Variants in MAPKAP1 observed in about 807,000 individuals in gnomAD.
MAPKAP1 encodes target of rapamycin complex 2 subunit MAPKAP1.
Under a neutral mutation model 65.7 loss-of-function variants are expected in MAPKAP1, and 20 were observed. The observed-to-expected ratio is 0.30, with a 90% CI of 0.21 to 0.44. MAPKAP1 has a LOEUF of 0.44. Among genes scored for constraint, MAPKAP1 ranks in the 20% least tolerant of loss-of-function variants. The pLI, the probability that MAPKAP1 is intolerant of heterozygous loss-of-function variation, is 1.00. For missense variants in MAPKAP1, 423 were observed against 648.0 expected, an observed-to-expected ratio of 0.65 and a Z score of 3.77; for synonymous variants, 222 against 244.3, an observed-to-expected ratio of 0.91 and a Z score of 0.85.
intron 8 of MAPKAP1, among the ~76,000 whole-genome samples, chr9:125,504,704 A>G (rs1484036316): frequency 6.6e-6 from 1 of 152,020 alleles, no homozygotes; most frequent in African/African-American, 2.4e-5. Flanking sequence ...GACACATGAG[A>G]ATTGCTTGAA....
intron 6 of MAPKAP1, among the ~76,000 whole-genome samples, chr9:125,543,530 C>A (rs1236728627): frequency 1.3e-5 from 2 of 152,060 alleles, no homozygotes; most frequent in African/African-American, 4.8e-5. Context: ...CCCGCCTCGG[C>A]CTCCCAAAGT....
intron 3 of MAPKAP1, among the ~76,000 whole-genome samples, chr9:125,668,265 G>T (rs1342299162): frequency 6.6e-6 from 1 of 152,058 alleles, no homozygotes; most frequent in Non-Finnish European, 1.5e-5. Flanking sequence ...CTCCATGTTG[G>T]GTAACTTTGG....
intron 8 of MAPKAP1, among the ~76,000 whole-genome samples, chr9:125,490,801 G>A (rs1156852120): frequency 6.6e-6 from 1 of 152,108 alleles, no homozygotes; most frequent in African/African-American, 2.4e-5. Flanking sequence ...AGACATTACA[G>A]AAACTTGCAA....
At chr9:125,661,173 A>C (rs1166896888) in intron 3 of MAPKAP1, among the ~76,000 whole-genome samples, 1 of 152,226 alleles carries the variant, frequency 6.6e-6, no homozygotes, top group Non-Finnish European at 1.5e-5. Context: ...ATTTCATCAG[A>C]TTGGCAAAAA....
chr9:125,451,804 A>C, intron 10 of MAPKAP1, among the ~76,000 whole-genome samples: 2 of 128,246 alleles, frequency 1.6e-5, no homozygotes, highest in East Asian at 4.6e-4. Context: ...ATCTACTCAC[A>C]GGAGTTTTTT....
chr9:125,640,112 C>CT (rs1272696614), intron 4 of MAPKAP1, among the ~76,000 whole-genome samples: 28 of 150,918 alleles, frequency 1.9e-4, no homozygotes, highest in Admixed American at 5.3e-4. Flanking sequence ...CTGTTTATCC[C>CT]TTTTTTTTTG....
At chr9:125,531,438 T>A (rs1829930608) in intron 7 of MAPKAP1, among the ~76,000 whole-genome samples, 1 of 152,214 alleles carries the variant, frequency 6.6e-6, no homozygotes, top group African/African-American at 2.4e-5. Flanking sequence ...CAAGTGTGAG[T>A]ATTAGTAAGT....
At chr9:125,619,380 T>C (rs71495569) in intron 4 of MAPKAP1, among the ~76,000 whole-genome samples, 68 of 152,020 alleles carry the variant, frequency 4.5e-4, no homozygotes, top group Non-Finnish European at 8.1e-4. Context: ...AAAATCTGCA[T>C]TTTGGAGAAT....
rs369111361 is a variant in MAPKAP1 at position 125,569,903 on chromosome 9, C to T, written c.672-10094G>A. Among the ~76,000 whole-genome samples, 87 of 152,238 alleles carry T rather than the reference C, an allele frequency of 5.7e-4. 1 individual carries two copies. The East Asian group carries it at 0.014, about 25-fold the overall frequency. On this transcript the variant is annotated intron_variant, in intron 5 of 11. Transcript: ENST00000265960. ...AAAAGTAAAATAAAAACTGTAATGC[C>T]TTTTGGTTCATGTAACTTTAGTAAT...
chr9:125,524,315 AATG>A (rs1829702838), intron 7 of MAPKAP1, among the ~76,000 whole-genome samples: 1 of 152,242 alleles, frequency 6.6e-6, no homozygotes, highest in Admixed American at 6.5e-5. Context: ...CTAAGTGGGG[AATG>A]ATGATAATTT....
intron 5 of MAPKAP1, among the ~76,000 whole-genome samples, chr9:125,576,069 A>C (rs914868974): frequency 3.3e-5 from 5 of 152,246 alleles, no homozygotes; most frequent in Admixed American, 2.6e-4. Flanking sequence ...TAAGTGAAAA[A>C]AGCTAGTCTG....
rs1167319568 is a variant in MAPKAP1, at chr9:125,517,380, TCCAGGG to T, written c.959-10969_959-10964del. 2.6e-5 allele frequency among the ~76,000 whole-genome samples: 4 copies of T among 152,078 alleles called. No individual in the cohort carries two copies. The East Asian group carries it at 7.7e-4, about 29-fold the overall frequency. On this transcript the variant is annotated intron_variant, in intron 7 of 11. Transcript: ENST00000265960. ...AACACCAGCTGCTTGCCCTGATTTT[TCCAGGG>T]TTGGGGTGGGGGTTCTTTTTCTAAG...
intron 10 of MAPKAP1, among the ~76,000 whole-genome samples, chr9:125,451,336 T>A (rs773435025): frequency 2.8e-4 from 42 of 152,308 alleles, no homozygotes; most frequent in Non-Finnish European, 4.6e-4. Context: ...TTTCTCACAT[T>A]TCCTTTGTGA....
intron 3 of MAPKAP1, among the ~76,000 whole-genome samples, chr9:125,661,618 T>C (rs535703246): frequency 2.0e-5 from 3 of 152,160 alleles, no homozygotes; most frequent in Non-Finnish European, 4.4e-5. Context: ...AATATAAATA[T>C]GCTTATATAT....
intron 11 of MAPKAP1, among the ~76,000 whole-genome samples, chr9:125,443,372 G>C (rs1417579268): frequency 6.6e-6 from 1 of 152,120 alleles, no homozygotes; most frequent in Non-Finnish European, 1.5e-5. Flanking sequence ...AACTAGGGGT[G>C]GGGGAGCCCT....
intron 7 of MAPKAP1, among the ~76,000 whole-genome samples, chr9:125,534,414 A>T (rs1270484882): frequency 6.6e-6 from 1 of 152,248 alleles, no homozygotes; most frequent in Non-Finnish European, 1.5e-5. Flanking sequence ...AGATCTGGCC[A>T]CAGATCAAAG....
intron 4 of MAPKAP1, among the ~76,000 whole-genome samples, chr9:125,632,237 A>AAAAAAG (rs377716459): frequency 0.018 from 2,674 of 151,020 alleles, 146 homozygotes; most frequent in East Asian, 0.14. Context: ...AAAAAAAAAA[A>AAAAAAG]GAAGAAACTC....
intron 1 of MAPKAP1, 133 bp from the exon 2 acceptor site, chr9:125,672,776 A>C: frequency 1.6e-6 from 1 of 632,108 alleles, no homozygotes. Flanking sequence ...GGAGCTTAAA[A>C]GGATTTAGTC....
rs578183289 is a variant in MAPKAP1, at chr9:125,438,730, GC to G, written c.*156del. 10,045 of 975,420 alleles carry G rather than the reference GC, an allele frequency of 0.01. 72 individuals are homozygous for G. Among genetic ancestry groups the G allele is most frequent in the Middle Eastern group, 0.013 (39 of 2,944 alleles). 60.4% of individuals were successfully genotyped at this position (975,420 alleles called of 1,614,324 possible). On this transcript the variant is annotated 3_prime_UTR_variant, in exon 12 of 12. Transcript: ENST00000265960. ...TGTCCCCAGCGCTCCCTCCTAGGGG[GC>G]CCCCGACACCTTCCCCGAGAGCCCA...
Sources: allele counts gnomAD v4.1 joint callset (sites outside exome capture counted in the v4.1 genomes callset), GRCh38; gene constraint gnomAD v4.1.1; transcripts MANE v1.5; gene names NCBI Gene and HGNC (gene_info 2026-07-23, HGNC 2026-07-21).